Variants in CCDC181 observed in about 807,000 individuals in gnomAD.
CCDC181 encodes the protein coiled-coil domain containing 181.
Under a neutral mutation model 58.7 loss-of-function variants are expected in CCDC181, and 35 were observed. The observed-to-expected ratio is 0.60, with a 90% CI of 0.46 to 0.79. The LOEUF (loss-of-function observed/expected upper bound fraction) is 0.79. Among genes scored for constraint, CCDC181 ranks in the 30% least tolerant of loss-of-function variants. The pLI is 0.00. For missense variants in CCDC181, 517 were observed against 583.9 expected, an observed-to-expected ratio of 0.89 and a Z score of 1.18; for synonymous variants, 183 against 197.5, an observed-to-expected ratio of 0.93 and a Z score of 0.62.
At chr1:169,413,066 C>A (rs951445425) in intron 4 of CCDC181, among the ~76,000 whole-genome samples, 2 of 152,156 alleles carry the variant, frequency 1.3e-5, no homozygotes, top group Non-Finnish European at 2.9e-5. Context: ...GCAAAAGAAA[C>A]TATCATCAGA....
chr1:169,456,618 CTAAGTTAGCACAT>C (rs1221306655), intron 2 of CCDC181, among the ~76,000 whole-genome samples: 2 of 152,012 alleles, frequency 1.3e-5, no homozygotes, highest in Admixed American at 1.3e-4. Flanking sequence ...AAAGAGAGAT[CTAAGTTAGCACAT>C]TATCATGCTC....
At chr1:169,395,296 G>T in intron 5 of CCDC181, 90 bp from the exon 6 acceptor site, 1 of 1,146,720 alleles carries the variant, frequency 8.7e-7, no homozygotes, top group Non-Finnish European at 1.2e-6. Context: ...AAAATAAATG[G>T]ACATTTCTTT....
At chr1:169,433,989 G>C (rs1004394188) in intron 2 of CCDC181, among the ~76,000 whole-genome samples, 2 of 151,968 alleles carry the variant, frequency 1.3e-5, no homozygotes, top group African/African-American at 4.8e-5. Flanking sequence ...GAATGAAAAG[G>C]CAACCTATGA....
chr1:169,446,678 G>C (rs959789731), intron 2 of CCDC181, among the ~76,000 whole-genome samples: 1 of 152,056 alleles, frequency 6.6e-6, no homozygotes, highest in African/African-American at 2.4e-5. Flanking sequence ...TATTTACATA[G>C]CATTTACAGT....
At position 169,422,119 on chromosome 1, in the gene CCDC181, G is replaced by C. The variant is rs1395334942; in HGVS notation, c.312C>G (p.Phe104Leu). ...PISDSDSENSFQESKLESQKD... is the reference protein window; with the variant it reads ...PISDSDSENSLQESKLESQKD... ...TCTGGCTTTCTAGTTTGGATTCCTG[G>C]AAAGAGTTTTCACTATCTGAATCTG... The change falls in exon 3 of 6, where the codon TTC becomes TTG. Residue 104 changes from phenylalanine to leucine, a missense_variant. Coordinates refer to ENST00000367806, the MANE Select transcript of CCDC181 (RefSeq NM_001300969.2). 3.4e-5 allele frequency: 55 copies of C among 1,613,190 alleles called. No individual in the cohort carries two copies. Among genetic ancestry groups the C allele is most frequent in the Non-Finnish European group, 4.5e-5 (53 of 1,179,568 alleles).
chr1:169,434,947 G>A (rs1454057454), intron 2 of CCDC181, among the ~76,000 whole-genome samples: 1 of 152,062 alleles, frequency 6.6e-6, no homozygotes, highest in African/African-American at 2.4e-5. Context: ...TAAGGCAGGG[G>A]AAATGAGAGG....
chr1:169,447,896 G>A lies in CCDC181; in HGVS notation c.-24+11901C>T, dbSNP rs551716322. Among the ~76,000 whole-genome samples the A allele has an allele frequency of 5.3e-5, 8 of 152,100 alleles. No individual in the cohort carries two copies. In the East Asian group the frequency reaches 1.5e-3, roughly 29 times the overall value. On this transcript the variant is annotated intron_variant, in intron 2 of 6. Coordinates refer to the CCDC181 transcript ENST00000545005. ...CTATATATGTCTTCATATTTAAAGT[G>A]GGCTTTTTGTAACATTGTTACTTTT... is the stretch of plus-strand genomic sequence containing the variant.
intron 3 of CCDC181, 137 bp from the exon 4 acceptor site, chr1:169,419,296 T>A: frequency 9.3e-7 from 1 of 1,074,516 alleles, no homozygotes; most frequent in Non-Finnish European, 1.3e-6. Flanking sequence ...CTGGTCCTTC[T>A]AGGCCAGACA....
At chr1:169,423,542 T>C (rs1656585193) in intron 2 of CCDC181, among the ~76,000 whole-genome samples, 2 of 151,936 alleles carry the variant, frequency 1.3e-5, no homozygotes, top group Admixed American at 1.3e-4. Context: ...AAAGAAGAGG[T>C]TGTTATAATC....
intron 4 of CCDC181, among the ~76,000 whole-genome samples, chr1:169,406,907 T>C (rs551506795): frequency 1.3e-5 from 2 of 152,120 alleles, no homozygotes; most frequent in South Asian, 4.2e-4. Context: ...GAAGTACTGA[T>C]GCCTCAAGAT....
chr1:169,427,225 C>G (rs1656750384), intron 1 of CCDC181, 63 bp downstream of exon 1: 1 of 152,318 alleles, frequency 6.6e-6, no homozygotes, highest in Admixed American at 6.5e-5. Context: ...TACCTTTACC[C>G]TCTATCCCAC....
Position 169,397,287 on chromosome 1 carries a change from T to TTCC in CCDC181, c.1317_1319dup (p.Glu440dup). On this transcript the variant is annotated inframe_insertion, in exon 5 of 6. Transcript: ENST00000367806. ...CTGTTCCTTTAAGGAAGAATAAACA[T>TTCC]TCCTCTTGCTTTCTTAGTTCTTCTG... 1 of 1,611,056 alleles carries TTCC rather than the reference T, an allele frequency of 6.2e-7. No homozygotes were observed. The highest frequency in any genetic ancestry group is 8.5e-7 in the Non-Finnish European group (1 of 1,178,676).
upstream of CCDC181, among the ~76,000 whole-genome samples, chr1:169,429,043 T>G (rs547967662): frequency 2.0e-3 from 299 of 152,294 alleles, 4 homozygotes; most frequent in African/African-American, 7.0e-3. Flanking sequence ...TGAGAACATA[T>G]GATGTTTGGT....
chr1:169,411,311 AC>A (rs1178272431), intron 4 of CCDC181, among the ~76,000 whole-genome samples: 9 of 152,232 alleles, frequency 5.9e-5, no homozygotes, highest in Non-Finnish European at 1.0e-4. Flanking sequence ...ATTCCTGGAC[AC>A]ATACACCCTC....
At chr1:169,422,487 A>C (rs1330429003) in intron 2 of CCDC181, among the ~76,000 whole-genome samples, 174 bp from the exon 3 acceptor site, 1 of 152,180 alleles carries the variant, frequency 6.6e-6, no homozygotes, top group Admixed American at 6.5e-5. Context: ...TCCAAGGGAA[A>C]TAATGTGACA....
At chr1:169,432,368 C>A (rs1656944501), upstream of CCDC181, among the ~76,000 whole-genome samples, 1 of 152,030 alleles carries the variant, frequency 6.6e-6, no homozygotes, top group African/African-American at 2.4e-5. Flanking sequence ...CCAAATGGAC[C>A]ACAGTCTGCA....
chr1:169,441,604 G>T (rs1358020668), intron 2 of CCDC181, among the ~76,000 whole-genome samples: 1 of 151,944 alleles, frequency 6.6e-6, no homozygotes, highest in Non-Finnish European at 1.5e-5. Flanking sequence ...CTATACAAGG[G>T]AAGAAAATTA....
At chr1:169,409,294 T>C (rs992612090) in intron 4 of CCDC181, among the ~76,000 whole-genome samples, 1 of 152,060 alleles carries the variant, frequency 6.6e-6, no homozygotes, top group African/African-American at 2.4e-5. Flanking sequence ...ATATCAGAGA[T>C]TGAAGATCAA....
At chr1:169,409,059 G>C (rs1163017851) in intron 4 of CCDC181, among the ~76,000 whole-genome samples, 1 of 152,214 alleles carries the variant, frequency 6.6e-6, no homozygotes, top group Non-Finnish European at 1.5e-5. Context: ...GACGGAAGTA[G>C]GCTTCAGAAG....
Sources: gnomAD v4.1 joint callset for allele counts (sites outside exome capture counted in the v4.1 genomes callset) on GRCh38, gnomAD v4.1.1 for gene constraint, MANE v1.5 for transcripts, NCBI Gene and HGNC (gene_info 2026-07-23, HGNC 2026-07-21) for gene names.